CHD7: variants seen among roughly 807,000 people sequenced by gnomAD.
CHD7 encodes chromodomain helicase DNA binding protein 7, also known as ATP-dependent chromatin remodeler CHD7.
CHD7 carries 24 observed loss-of-function variants against 307.3 expected under a neutral mutation model. That is an observed-to-expected ratio of 0.08 (90% CI 0.06 to 0.11). CHD7 has a LOEUF of 0.11. CHD7 is among the 10% of genes least tolerant of loss of function. The probability of loss-of-function intolerance (pLI) is 1.00; values close to 1 mark genes in which losing one functional copy is unlikely to be tolerated. For missense variants in CHD7, 3,106 were observed against 3,727.1 expected, an observed-to-expected ratio of 0.83 and a Z score of 4.34; for synonymous variants, 1,363 against 1,349.9, an observed-to-expected ratio of 1.01 and a Z score of -0.21.
chr8:60,787,565 CT>C (rs977716091), intron 3 of CHD7, among the ~76,000 whole-genome samples: 1 of 151,728 alleles, frequency 6.6e-6, no homozygotes, highest in African/African-American at 2.4e-5. Flanking sequence ...AAAAAAGGCA[CT>C]TTTTTTAAGT....
At chr8:60,766,301 A>G (rs976039806) in intron 2 of CHD7, among the ~76,000 whole-genome samples, 1 of 152,172 alleles carries the variant, frequency 6.6e-6, no homozygotes, top group African/African-American at 2.4e-5. Context: ...AAGGGGGGGA[A>G]TTATAGAAGT....
chr8:60,737,806 A>G (rs190235793), intron 1 of CHD7, among the ~76,000 whole-genome samples: 1 of 152,332 alleles, frequency 6.6e-6, no homozygotes, highest in African/African-American at 2.4e-5. Flanking sequence ...ATGGCAACCT[A>G]TATTTTTAAT....
At chr8:60,816,885 A>C (rs903726362) in intron 8 of CHD7, among the ~76,000 whole-genome samples, 6 of 152,210 alleles carry the variant, frequency 3.9e-5, no homozygotes, top group African/African-American at 1.4e-4. Context: ...TGTTGGGGAA[A>C]GTATGTGGCA....
At chr8:60,715,820 A>G (rs1807570434) in intron 1 of CHD7, among the ~76,000 whole-genome samples, 1 of 152,206 alleles carries the variant, frequency 6.6e-6, no homozygotes, top group Admixed American at 6.5e-5. Context: ...AAAAAACCCT[A>G]AACTTGGGCT....
chr8:60,866,860 G>A lies in CHD7; in HGVS notation c.*927G>A, dbSNP rs1189756492. On this transcript the variant is annotated 3_prime_UTR_variant, in exon 38 of 38. Coordinates refer to ENST00000423902, the MANE Select transcript of CHD7 (RefSeq NM_017780.4). ...AAAATGTAAATTGCTGCCAACTGTA[G>A]TAATGATGCTTTTAATAAAAGTGAC... 1.3e-5 allele frequency: 2 copies of A among 152,574 alleles called. No individual in the cohort carries two copies. Among genetic ancestry groups the A allele is most frequent in the African/African-American group, 4.8e-5 (2 of 41,420 alleles). The allele number at this position is 152,574 out of a possible 1,614,324, so 9.5% of individuals were successfully genotyped here. A position where few individuals can be genotyped will look rare whatever the true frequency, so the allele number is the denominator to read the frequency against.
intron 1 of CHD7, among the ~76,000 whole-genome samples, chr8:60,737,236 A>G (rs1055429330): frequency 1.3e-5 from 2 of 152,174 alleles, no homozygotes; most frequent in Non-Finnish European, 2.9e-5. Flanking sequence ...AAAGTTATAT[A>G]TAGTATGATT....
intron 10 of CHD7, 35 bp from the exon 11 acceptor site, chr8:60,821,989 G>A (rs992825484): frequency 6.2e-7 from 1 of 1,613,246 alleles, no homozygotes; most frequent in African/African-American, 1.3e-5. Flanking sequence ...TGGTCTTTGG[G>A]AAACCACTAA....
chr8:60,743,700 A>G (rs1469138280), intron 2 of CHD7, among the ~76,000 whole-genome samples: 4 of 152,252 alleles, frequency 2.6e-5, no homozygotes, highest in African/African-American at 9.6e-5. Flanking sequence ...GCACTGAAGT[A>G]GGGAATCTTC....
intron 2 of CHD7, among the ~76,000 whole-genome samples, chr8:60,752,445 G>C (rs1208001963): frequency 6.6e-6 from 1 of 152,232 alleles, no homozygotes; most frequent in East Asian, 1.9e-4. Flanking sequence ...TTGGTGGGCT[G>C]TGAAGTGTTC....
chr8:60,820,055 A>G lies in CHD7; in HGVS notation c.2662A>G (p.Met888Val), dbSNP rs372474695. ...AGATTATGTGGAGGTTGACCGGATA[A>G]TGGACTTTGCACGTAGCACAGATGA... ...NPDYVEVDRI[M>V]DFARSTDDRG... is the part of the protein sequence containing the mutation. Residue 888 changes from methionine (M) to valine (V), a missense_variant, in exon 9 of 38, where the codon ATG becomes GTG. Physicochemically the swap from Met to Val is conservative, Grantham distance 21 (BLOSUM62 1). Coordinates refer to ENST00000423902, the MANE Select transcript of CHD7 (RefSeq NM_017780.4). 16 of 1,611,572 alleles carry G rather than the reference A, an allele frequency of 9.9e-6. No individual in the cohort carries two copies. The East Asian group carries it at 1.8e-4, about 18-fold the overall frequency.
chr8:60,821,506 C>T (rs1436557667), intron 9 of CHD7, among the ~76,000 whole-genome samples: 2 of 151,304 alleles, frequency 1.3e-5, no homozygotes, highest in African/African-American at 4.9e-5. Context: ...CATGCTTTTC[C>T]TTAATGTGTA....
intron 1 of CHD7, among the ~76,000 whole-genome samples, chr8:60,735,839 T>C (rs1428947560): frequency 1.3e-5 from 2 of 152,236 alleles, no homozygotes; most frequent in East Asian, 1.9e-4. Context: ...AAATGTTCAT[T>C]ATAGGCACTG....
chr8:60,749,295 C>T (rs1406624124), intron 2 of CHD7, among the ~76,000 whole-genome samples: 8 of 131,264 alleles, frequency 6.1e-5, no homozygotes, highest in African/African-American at 1.2e-4. Context: ...CGCTTGAACC[C>T]GTGAGGCGGA....
At position 60,830,552 on chromosome 8, in the gene CHD7, C is replaced by T; in HGVS notation, c.3753C>T (p.Cys1251=). The T allele has an allele frequency of 6.2e-7, 1 of 1,613,984 alleles. No individual in the cohort carries two copies. The highest frequency in any genetic ancestry group is 8.5e-7 in the Non-Finnish European group (1 of 1,179,838). ...ACACTATGATGGAATTGCGGAAGTG[C>T]TGCAATCATCCGTACCTTATCAATG... The part of the protein sequence containing the change: ...LLNTMMELRK[C]CNHPYLINGA... Residue 1251 remains cysteine, a synonymous_variant, in exon 15 of 38, where the codon TGC becomes TGT. Transcript: ENST00000423902.
intron 1 of CHD7, among the ~76,000 whole-genome samples, chr8:60,694,202 CT>C (rs1364285408): frequency 1.3e-5 from 2 of 152,170 alleles, no homozygotes; most frequent in African/African-American, 4.8e-5. Flanking sequence ...GTAGATGTGC[CT>C]GGTGAAAAAT....
chr8:60,705,447 T>A (rs1306568153), intron 1 of CHD7, among the ~76,000 whole-genome samples: 1 of 152,248 alleles, frequency 6.6e-6, no homozygotes, highest in Non-Finnish European at 1.5e-5. Context: ...TGATACTTAA[T>A]GTTGGATTTC....
At chr8:60,802,230 C>A (rs1362968898) in intron 6 of CHD7, among the ~76,000 whole-genome samples, 1 of 152,136 alleles carries the variant, frequency 6.6e-6, no homozygotes, top group Non-Finnish European at 1.5e-5. Context: ...TGCTCTTTAA[C>A]AAAAAAATGC....
intron 13 of CHD7, chr8:60,824,299 G>T (rs1804173685): frequency 2.4e-6 from 1 of 415,448 alleles, no homozygotes; most frequent in Non-Finnish European, 4.2e-6. Flanking sequence ...CATAAATACA[G>T]GTTGATCATA....
intron 3 of CHD7, among the ~76,000 whole-genome samples, chr8:60,790,308 C>G (rs1457630331): frequency 6.6e-6 from 1 of 152,092 alleles, no homozygotes; most frequent in African/African-American, 2.4e-5. Context: ...GTGGATGGCT[C>G]TGTGTCTCTC....
Sources: gnomAD v4.1 joint callset for allele counts (sites outside exome capture counted in the v4.1 genomes callset) on GRCh38, gnomAD v4.1.1 for gene constraint, MANE v1.5 for transcripts, NCBI Gene and HGNC (gene_info 2026-07-23, HGNC 2026-07-21) for gene names.